Variants in ATRNL1 observed in about 807,000 individuals in gnomAD.
ATRNL1 encodes the protein attractin like 1, also known as attractin-like protein 1.
ATRNL1 carries 95 observed loss-of-function variants against 182.7 expected under a neutral mutation model. That is an observed-to-expected ratio of 0.52 (90% CI 0.44 to 0.62). The LOEUF (loss-of-function observed/expected upper bound fraction) is 0.62, where lower values mean the gene tolerates loss of function less well. Ranked by LOEUF, ATRNL1 falls within the 20% of genes least tolerant of loss-of-function variation. The probability of loss-of-function intolerance (pLI) is 0.00; values close to 1 mark genes in which losing one functional copy is unlikely to be tolerated. For synonymous variants in ATRNL1, 576 were observed against 568.3 expected, an observed-to-expected ratio of 1.01 and a Z score of -0.19; for missense variants, 1,471 against 1,679.5, an observed-to-expected ratio of 0.88 and a Z score of 2.17.
intron 27 of ATRNL1, among the ~76,000 whole-genome samples, chr10:115,747,687 A>G (rs1303775172): frequency 6.6e-6 from 1 of 152,014 alleles, no homozygotes; most frequent in African/African-American, 2.4e-5. Context: ...CACTATTCCA[A>G]CTAGTGAGAG....
intron 28 of ATRNL1, among the ~76,000 whole-genome samples, chr10:115,910,401 C>T (rs1952639414): frequency 6.6e-6 from 1 of 152,092 alleles, no homozygotes; most frequent in Admixed American, 6.5e-5. Flanking sequence ...GGGGAGAAGC[C>T]TTCTGGGACC....
At chr10:115,863,817 G>C (rs1456568817) in intron 28 of ATRNL1, among the ~76,000 whole-genome samples, 1 of 152,060 alleles carries the variant, frequency 6.6e-6, no homozygotes, top group Non-Finnish European at 1.5e-5. Flanking sequence ...TTGATTCCAG[G>C]GCTAAGAAGG....
intron 26 of ATRNL1, among the ~76,000 whole-genome samples, chr10:115,556,442 C>T (rs972432265): frequency 6.6e-6 from 1 of 152,108 alleles, no homozygotes. Flanking sequence ...GTATGTTTCA[C>T]ATAGTATCAT....
At chr10:115,360,689 T>G (rs1339674900) in intron 19 of ATRNL1, among the ~76,000 whole-genome samples, 1 of 151,786 alleles carries the variant, frequency 6.6e-6, no homozygotes, top group Non-Finnish European at 1.5e-5. Flanking sequence ...TACTTTAAGT[T>G]CCAGATACAT....
intron 26 of ATRNL1, among the ~76,000 whole-genome samples, chr10:115,613,045 G>C (rs1380280201): frequency 6.6e-6 from 1 of 152,180 alleles, no homozygotes; most frequent in Non-Finnish European, 1.5e-5. Flanking sequence ...TTCTGAGTCA[G>C]TTTTAAAAAC....
At chr10:115,308,116 T>C (rs1232788509) in intron 17 of ATRNL1, among the ~76,000 whole-genome samples, 3 of 152,144 alleles carry the variant, frequency 2.0e-5, no homozygotes, top group African/African-American at 7.2e-5. Flanking sequence ...GAGAAACAAA[T>C]AGGATTTTGC....
At chr10:115,470,190 G>A (rs1554971831) in intron 24 of ATRNL1, among the ~76,000 whole-genome samples, 2 of 150,200 alleles carry the variant, frequency 1.3e-5, no homozygotes, top group East Asian at 1.9e-4. Flanking sequence ...TTTGTGGAAA[G>A]AATGAGTGAT....
intron 28 of ATRNL1, among the ~76,000 whole-genome samples, chr10:115,908,211 G>T (rs568734315): frequency 2.8e-4 from 42 of 152,200 alleles, no homozygotes; most frequent in African/African-American, 1.0e-3. Flanking sequence ...TGAGCTTTTA[G>T]GAGGCCCTAG....
intron 15 of ATRNL1, among the ~76,000 whole-genome samples, chr10:115,295,766 G>T (rs1474142869): frequency 6.6e-6 from 1 of 152,062 alleles, no homozygotes; most frequent in Non-Finnish European, 1.5e-5. Context: ...GGTGGGGATT[G>T]GTTTCCCTGC....
chr10:115,804,919 T>C (rs1225157390), intron 27 of ATRNL1, among the ~76,000 whole-genome samples: 1 of 152,230 alleles, frequency 6.6e-6, no homozygotes, highest in Non-Finnish European at 1.5e-5. Flanking sequence ...GTTTAGTCTA[T>C]AGTTTTGTAG....
At chr10:115,435,050 T>G (rs1319633512) in intron 21 of ATRNL1, among the ~76,000 whole-genome samples, 1 of 147,820 alleles carries the variant, frequency 6.8e-6, no homozygotes, top group Non-Finnish European at 1.5e-5. Flanking sequence ...TTTTTTTTTG[T>G]GACGGAGTCT....
chr10:115,194,763 C>CT (rs1848295912), intron 8 of ATRNL1, among the ~76,000 whole-genome samples: 1 of 151,244 alleles, frequency 6.6e-6, no homozygotes, highest in African/African-American at 2.4e-5. Flanking sequence ...GTTGGTCTTT[C>CT]TTTTTTCCTT....
intron 26 of ATRNL1, among the ~76,000 whole-genome samples, chr10:115,587,872 C>T (rs1555010724): frequency 6.6e-6 from 1 of 151,628 alleles, no homozygotes; most frequent in East Asian, 2.0e-4. Context: ...ATCTTCCAAA[C>T]CAGTAGAGAA....
intron 26 of ATRNL1, among the ~76,000 whole-genome samples, chr10:115,572,703 C>G (rs1277063739): frequency 6.6e-6 from 1 of 152,146 alleles, no homozygotes; most frequent in African/African-American, 2.4e-5. Flanking sequence ...AGAGAGAGTT[C>G]TGGGCTGAAT....
chr10:115,208,419 G>C (rs985817593), intron 8 of ATRNL1, among the ~76,000 whole-genome samples: 1 of 151,642 alleles, frequency 6.6e-6, no homozygotes, highest in Non-Finnish European at 1.5e-5. Flanking sequence ...TAAACTTATT[G>C]GCTATTAGAT....
At chr10:115,259,273 G>A (rs569511426) in intron 10 of ATRNL1, among the ~76,000 whole-genome samples, 72 of 152,296 alleles carry the variant, frequency 4.7e-4, no homozygotes, top group Admixed American at 2.5e-3. Flanking sequence ...GGTAGGCTCC[G>A]TCCAGTTTAA....
intron 20 of ATRNL1, among the ~76,000 whole-genome samples, chr10:115,414,877 G>A (rs563840616): frequency 6.6e-6 from 1 of 151,164 alleles, no homozygotes; most frequent in African/African-American, 2.4e-5. Context: ...TCATTTTTTT[G>A]TTCTGTTTTG....
At chr10:115,790,450 C>T (rs1300985346) in intron 27 of ATRNL1, among the ~76,000 whole-genome samples, 5 of 152,056 alleles carry the variant, frequency 3.3e-5, no homozygotes, top group East Asian at 1.9e-4. Context: ...AAGGCCTCTA[C>T]GGCCTTTCTG....
chr10:115,593,405 A>G (rs552400327), intron 26 of ATRNL1, among the ~76,000 whole-genome samples: 2 of 152,340 alleles, frequency 1.3e-5, no homozygotes, highest in East Asian at 3.9e-4. Context: ...ATATAGACCA[A>G]TGGAACAGAA....
Sources: allele counts gnomAD v4.1 joint callset (sites outside exome capture counted in the v4.1 genomes callset), GRCh38; gene constraint gnomAD v4.1.1; transcripts MANE v1.5; gene names NCBI Gene and HGNC (gene_info 2026-07-23, HGNC 2026-07-21).